The following GNAS variants were observed in gnomAD, a reference collection of about 807,000 sequenced individuals.
GNAS encodes the protein protein ALEX.
A neutral mutation model predicts 54.5 loss-of-function variants in GNAS; 8 were observed. That is an observed-to-expected ratio of 0.15 (90% CI 0.09 to 0.26). The LOEUF (loss-of-function observed/expected upper bound fraction) is 0.26, where lower values mean the gene tolerates loss of function less well. GNAS is among the 10% of genes least tolerant of loss of function. GNAS has a pLI of 1.00. For synonymous variants in GNAS, 204 were observed against 191.4 expected (o/e 1.07, Z -0.54); for missense variants, 170 against 529.8 (o/e 0.32, Z 6.67).
chr20:58,911,053 AG>A lies in GNAS; in HGVS notation c.*225del. On this transcript the variant is annotated 3_prime_UTR_variant, in exon 13 of 13. Coordinates refer to ENST00000371085, the MANE Select transcript of GNAS (RefSeq NM_000516.7). ...CAGAAAAAGGAAAAAAGGCCACAAA[AG>A]TTCCCTCTCACTTTCAGTAAAAATA... 1.5e-6 allele frequency: 1 copy of A among 674,556 alleles called. No individual in the cohort carries two copies. Among genetic ancestry groups the A allele is most frequent in the South Asian group, 1.5e-5 (1 of 66,030 alleles). The allele number at this position is 674,556 out of a possible 1,614,324, so 41.8% of individuals were successfully genotyped here.
chr20:58,903,904 C>A, intron 5 of GNAS, 113 bp downstream of exon 5: 4 of 1,052,810 alleles, frequency 3.8e-6, no homozygotes, highest in Non-Finnish European at 6.0e-6. Context: ...AACCACACTT[C>A]AGGCAAAACT....
chr20:58,841,513 C>A lies in GNAS; in HGVS notation c.43+627C>A. The A allele has an allele frequency of 1.0e-6, 1 of 992,186 alleles. No homozygotes were observed. Among genetic ancestry groups the A allele is most frequent in the East Asian group, 1.1e-4 (1 of 9,068 alleles). The allele number at this position is 992,186 out of a possible 1,614,324, so 61.5% of individuals were successfully genotyped here. A position where few individuals can be genotyped will look rare whatever the true frequency, so the allele number is the denominator to read the frequency against. Reference sequence around the variant, plus strand: ...GCTGACAATTAAGCCGCGGGACCTCCGCGCCAGTGCCTCCAGCTGCCGTGC... The same window carrying A: ...GCTGACAATTAAGCCGCGGGACCTCAGCGCCAGTGCCTCCAGCTGCCGTGC... On this transcript the variant is annotated intron_variant, in intron 1 of 12. Transcript: ENST00000306090. The surrounding 1 kb of genome is among the most constrained non-coding windows in gnomAD (Gnocchi z 5.0).
upstream of GNAS, chr20:58,840,776 C>T (rs770642877): frequency 1.9e-6 from 3 of 1,609,552 alleles, no homozygotes; most frequent in Admixed American, 3.3e-5. The surrounding 1 kb of genome is among the most constrained non-coding windows in gnomAD (Gnocchi z 6.0). Context: ...GCCAAAGAAG[C>T]CCACCCGCCG....
rs1226507224 is a variant in GNAS at position 58,863,806 on chromosome 20, T to G, written c.43+22920T>G. The G allele has an allele frequency of 6.6e-6, 1 of 152,648 alleles. No homozygotes were observed. Among genetic ancestry groups the G allele is most frequent in the African/African-American group, 2.4e-5 (1 of 41,454 alleles). The allele number at this position is 152,648 out of a possible 1,614,324, so 9.5% of individuals were successfully genotyped here. ...TCCATTTGAACGATTTTGCCATTCA[T>G]CAAACTGATTGCTAATGTGCAAATT... is the stretch of plus-strand genomic sequence containing the variant. On this transcript the variant is annotated intron_variant, in intron 1 of 12. Transcript: ENST00000306090. This position sits in a 1 kb window ranked among gnomAD's most constrained non-coding sequence, Gnocchi z 4.1.
intron 1 of GNAS, among the ~76,000 whole-genome samples, chr20:58,849,895 C>T (rs2086088353): frequency 6.6e-6 from 1 of 152,218 alleles, no homozygotes. Context: ...CAAATCCTCA[C>T]TTGCAGAACA....
upstream of GNAS, chr20:58,840,630 C>A: frequency 6.2e-7 from 1 of 1,606,794 alleles, no homozygotes; most frequent in African/African-American, 1.3e-5. The surrounding 1 kb of genome is among the most constrained non-coding windows in gnomAD (Gnocchi z 6.0). Context: ...GACGCCTCCC[C>A]AAGTCGCGCG....
At chr20:58,891,118 C>T (rs2089203957), upstream of GNAS, among the ~76,000 whole-genome samples, 1 of 148,322 alleles carries the variant, frequency 6.7e-6, no homozygotes, top group Non-Finnish European at 1.5e-5. Context: ...CGGGCTGCTG[C>T]CCGAGCCCGG....
chr20:58,861,329 A>G (rs2086771918), intron 1 of GNAS, among the ~76,000 whole-genome samples: 1 of 152,218 alleles, frequency 6.6e-6, no homozygotes, highest in South Asian at 2.1e-4. Context: ...GGTCCTCACC[A>G]TCAATTAAGA....
intron 2 of GNAS, chr20:58,898,627 T>C: frequency 2.0e-6 from 1 of 493,338 alleles, no homozygotes; most frequent in Non-Finnish European, 3.7e-6. Context: ...TTTAGCTCCC[T>C]AATGCGTGTA....
At chr20:58,852,063 G>C (rs540199504) in intron 1 of GNAS, among the ~76,000 whole-genome samples, 40 of 152,082 alleles carry the variant, frequency 2.6e-4, no homozygotes, top group African/African-American at 9.2e-4. Flanking sequence ...CTCTGAGGCC[G>C]CTTTGTGAGG....
rs1387540389 is a variant in GNAS, at chr20:58,863,464, A to G, written c.43+22578A>G. 6.6e-6 allele frequency: 1 copy of G among 152,106 alleles called. No homozygotes were observed. Among genetic ancestry groups the G allele is most frequent in the Non-Finnish European group, 1.5e-5 (1 of 68,018 alleles). The allele number at this position is 152,106 out of a possible 1,614,324, so 9.4% of individuals were successfully genotyped here. A position where few individuals can be genotyped will look rare whatever the true frequency, so the allele number is the denominator to read the frequency against. On this transcript the variant is annotated intron_variant, in intron 1 of 12. Coordinates refer to the GNAS transcript ENST00000306090. This position sits in a 1 kb window ranked among gnomAD's most constrained non-coding sequence, Gnocchi z 4.1. ...AGGAGAGAGGTATAAAGGTAGTATA[A>G]ATTGTTATCCAATCTCAAATTTATT... is the stretch of plus-strand genomic sequence containing the variant.
upstream of GNAS, chr20:58,890,511 C>G (rs931520959): frequency 6.6e-6 from 1 of 152,146 alleles, no homozygotes; most frequent in East Asian, 2.0e-4. Context: ...GGTGCGCAGC[C>G]CCTCGTGGGT....
intron 1 of GNAS, among the ~76,000 whole-genome samples, chr20:58,885,835 G>A (rs1031372932): frequency 2.0e-5 from 3 of 152,214 alleles, no homozygotes; most frequent in African/African-American, 7.2e-5. Flanking sequence ...TTTGAAGACA[G>A]GAAACACTGT....
intron 1 of GNAS, among the ~76,000 whole-genome samples, chr20:58,864,496 C>G (rs530726749): frequency 1.3e-5 from 2 of 152,108 alleles, no homozygotes; most frequent in African/African-American, 2.4e-5. Context: ...TTGCCCACTG[C>G]CCCCCAACAT....
At chr20:58,848,471 C>T (rs1438341725) in intron 1 of GNAS, among the ~76,000 whole-genome samples, 1 of 152,228 alleles carries the variant, frequency 6.6e-6, no homozygotes, top group Non-Finnish European at 1.5e-5. Flanking sequence ...TATCTTTTCC[C>T]ATGATGGCAA....
At chr20:58,854,961 G>A (rs772871591) in intron 1 of GNAS, 2 of 1,611,124 alleles carry the variant, frequency 1.2e-6, no homozygotes, top group South Asian at 2.2e-5. Context: ...CGTGTACTAC[G>A]ATGAAGGGGT....
At chr20:58,840,481 C>T (rs200256285), upstream of GNAS, 13 of 1,613,544 alleles carry the variant, frequency 8.1e-6, no homozygotes, top group Admixed American at 2.0e-4. The surrounding 1 kb of genome is among the most constrained non-coding windows in gnomAD (Gnocchi z 6.0). Flanking sequence ...AGACCGACTT[C>T]GAGACCGAGC....
At chr20:58,854,533 G>T (rs1202646320) in intron 1 of GNAS, 12 of 1,575,048 alleles carry the variant, frequency 7.6e-6, no homozygotes, top group South Asian at 1.1e-5. Flanking sequence ...CCTGACTCCG[G>T]GGCATTCGCA....
At chr20:58,903,840 C>G (rs2090860725) in intron 5 of GNAS, 49 bp downstream of exon 5, 4 of 1,608,510 alleles carry the variant, frequency 2.5e-6, no homozygotes, top group Non-Finnish European at 3.4e-6. Flanking sequence ...CACCTGAGCA[C>G]AGTGTCCATA....
Sources: gnomAD v4.1 joint callset for allele counts (sites outside exome capture counted in the v4.1 genomes callset) on GRCh38, gnomAD v4.1.1 for gene constraint, Gnocchi (gnomAD v3.1) non-coding constraint, MANE v1.5 for transcripts, NCBI Gene and HGNC (gene_info 2026-07-23, HGNC 2026-07-21) for gene names.